DYNC2I1: variants seen among roughly 807,000 people sequenced by gnomAD.
DYNC2I1 encodes dynein 2 intermediate chain 1.
DYNC2I1 carries 89 observed loss-of-function variants against 133.4 expected under a neutral mutation model. The ratio of observed to expected loss-of-function variants is 0.67; its 90% CI spans 0.56 to 0.80. The LOEUF (loss-of-function observed/expected upper bound fraction) is 0.80, where lower values mean the gene tolerates loss of function less well. Ranked by LOEUF, DYNC2I1 falls within the 30% of genes least tolerant of loss-of-function variation. The pLI, the probability that DYNC2I1 is intolerant of heterozygous loss-of-function variation, is 0.00. For synonymous variants in DYNC2I1, 504 were observed against 484.3 expected, an observed-to-expected ratio of 1.04 and a Z score of -0.54; for missense variants, 1,291 against 1,314.5, an observed-to-expected ratio of 0.98 and a Z score of 0.28.
chr7:158,874,758 GT>G (rs1237049091), intron 3 of DYNC2I1, among the ~76,000 whole-genome samples: 1 of 152,120 alleles, frequency 6.6e-6, no homozygotes, highest in Non-Finnish European at 1.5e-5. Context: ...TTATTTCCAA[GT>G]TTTTACCCCC....
chr7:158,891,237 G>C, intron 7 of DYNC2I1, 28 bp from the exon 8 acceptor site: 11 of 1,613,796 alleles, frequency 6.8e-6, no homozygotes, highest in Non-Finnish European at 9.3e-6. Context: ...CTGTGTCCTG[G>C]CTGATGGGGC....
intron 10 of DYNC2I1, chr7:158,905,140 C>CT (rs77389434): frequency 0.095 from 31,658 of 332,518 alleles, 645 homozygotes; most frequent in African/African-American, 0.18. Flanking sequence ...CTTTCTTTTT[C>CT]TTTTTTTTTT....
chr7:158,883,956 G>A (rs1171690764), intron 5 of DYNC2I1, among the ~76,000 whole-genome samples: 4 of 151,434 alleles, frequency 2.6e-5, no homozygotes, highest in Admixed American at 1.3e-4. Context: ...GAGCCACCGC[G>A]CCCGGCCCAG....
chr7:158,924,476 G>A (rs1849415632), intron 17 of DYNC2I1, among the ~76,000 whole-genome samples: 1 of 152,140 alleles, frequency 6.6e-6, no homozygotes, highest in African/African-American at 2.4e-5. Context: ...TTTGACATGT[G>A]TATCTGTACA....
intron 1 of DYNC2I1, among the ~76,000 whole-genome samples, chr7:158,857,498 C>T (rs1841386799): frequency 6.7e-6 from 1 of 150,332 alleles, no homozygotes; most frequent in Admixed American, 6.6e-5. Context: ...TTGAATAATA[C>T]TCCTTAATTT....
At chr7:158,900,789 G>A (rs1359349604) in intron 8 of DYNC2I1, among the ~76,000 whole-genome samples, 1 of 149,064 alleles carries the variant, frequency 6.7e-6, no homozygotes, top group Non-Finnish European at 1.5e-5. Context: ...CAGTTTTGGG[G>A]GTTTCTATTG....
At chr7:158,864,971 G>A (rs142045435) in intron 1 of DYNC2I1, among the ~76,000 whole-genome samples, 5 of 152,206 alleles carry the variant, frequency 3.3e-5, no homozygotes, top group Non-Finnish European at 2.9e-5. Context: ...GCACCTTCTC[G>A]CTGGAGTCTG....
chr7:158,871,606 C>T (rs1007941691), intron 3 of DYNC2I1, 44 bp downstream of exon 3: 53 of 1,483,400 alleles, frequency 3.6e-5, no homozygotes, highest in African/African-American at 4.3e-5. Flanking sequence ...CGAGGTGCCG[C>T]GTCGCTGCTG....
At position 158,918,841 on chromosome 7, in the gene DYNC2I1, G is replaced by A. The variant is rs1341871971; in HGVS notation, c.1893G>A (p.Gln631=). The A allele has an allele frequency of 6.2e-7, 1 of 1,613,658 alleles. No individual in the cohort carries two copies. Among genetic ancestry groups the A allele is most frequent in the Non-Finnish European group, 8.5e-7 (1 of 1,179,758 alleles). The change falls in exon 15 of 25, where the codon CAG becomes CAA. Residue 631 remains glutamine, a synonymous_variant. Coordinates refer to ENST00000407559, the MANE Select transcript of DYNC2I1 (RefSeq NM_018051.5). ...TGTATTTTAGTGACAGCTCATCTCAGCTGAACACCAGTCTACCATTCCTTC... is the reference window on the plus strand; with the variant it reads ...TGTATTTTAGTGACAGCTCATCTCAACTGAACACCAGTCTACCATTCCTTC... ...RALYFSDSSS[Q]LNTSLPFLQN...
At chr7:158,853,427 G>T (rs1841098334), upstream of DYNC2I1, among the ~76,000 whole-genome samples, 1 of 152,130 alleles carries the variant, frequency 6.6e-6, no homozygotes, top group Admixed American at 6.5e-5. Context: ...TCTGAAGCCT[G>T]CTACCTGGAG....
At chr7:158,856,185 AT>A (rs1415931850), upstream of DYNC2I1, among the ~76,000 whole-genome samples, 1 of 151,446 alleles carries the variant, frequency 6.6e-6, no homozygotes, top group East Asian at 1.9e-4. Flanking sequence ...TGACCTCATG[AT>A]CCACCCGCCT....
At chr7:158,865,713 C>G (rs186421437) in intron 1 of DYNC2I1, among the ~76,000 whole-genome samples, 1 of 152,302 alleles carries the variant, frequency 6.6e-6, no homozygotes, top group East Asian at 1.9e-4. Flanking sequence ...TGGTTCCATA[C>G]TTGGAGAGTT....
intron 8 of DYNC2I1, among the ~76,000 whole-genome samples, chr7:158,900,862 A>G (rs1166168223): frequency 6.6e-6 from 1 of 151,762 alleles, no homozygotes; most frequent in Non-Finnish European, 1.5e-5. Flanking sequence ...AGCCCATCAA[A>G]GTTGTTCTTC....
intron 1 of DYNC2I1, among the ~76,000 whole-genome samples, chr7:158,858,419 G>C (rs560629765): frequency 6.6e-6 from 1 of 152,162 alleles, no homozygotes; most frequent in East Asian, 1.9e-4. Flanking sequence ...TGGTGTCAGG[G>C]TCAAAGGGGT....
intron 15 of DYNC2I1, among the ~76,000 whole-genome samples, chr7:158,921,944 AG>A (rs977857387): frequency 5.9e-5 from 9 of 152,224 alleles, no homozygotes; most frequent in African/African-American, 2.2e-4. Flanking sequence ...AACGGCGCTC[AG>A]CCGCTCGCAG....
chr7:158,874,364 C>T (rs961867808), intron 3 of DYNC2I1, among the ~76,000 whole-genome samples: 7 of 152,148 alleles, frequency 4.6e-5, no homozygotes, highest in African/African-American at 9.7e-5. Flanking sequence ...CGTGTCACCA[C>T]GCCCTGCTAT....
chr7:158,859,885 G>T (rs531943978), intron 1 of DYNC2I1, among the ~76,000 whole-genome samples: 58 of 152,184 alleles, frequency 3.8e-4, no homozygotes, highest in African/African-American at 1.4e-3. Context: ...ATTGCAAGTC[G>T]GTCTTTAACT....
intron 1 of DYNC2I1, among the ~76,000 whole-genome samples, chr7:158,860,501 T>A (rs1841775862): frequency 6.6e-6 from 1 of 152,242 alleles, no homozygotes; most frequent in South Asian, 2.1e-4. Flanking sequence ...CAGTATGTCG[T>A]AGCTATTGGA....
In DYNC2I1 at chr7:158,881,394, G is replaced by A. The variant is rs58109035; in HGVS notation, c.879+1405G>A. 5.5e-3 allele frequency among the ~76,000 whole-genome samples: 842 copies of A among 152,192 alleles called. 3 individuals carry two copies. Among genetic ancestry groups the A allele is most frequent in the Admixed American group, 7.4e-3 (113 of 15,284 alleles). On this transcript the variant is annotated intron_variant, in intron 5 of 24. Coordinates refer to ENST00000407559, the MANE Select transcript of DYNC2I1 (RefSeq NM_018051.5). ...AGCCACACGGAAGGTTAGTTGAGGC[G>A]GTCACTGAGAAGCAGCTCCTTGAGG...
Sources: gnomAD v4.1 joint callset for allele counts (sites outside exome capture counted in the v4.1 genomes callset) on GRCh38, gnomAD v4.1.1 for gene constraint, MANE v1.5 for transcripts, NCBI Gene and HGNC (gene_info 2026-07-23, HGNC 2026-07-21) for gene names.